The following KCNIP4 variants were observed in gnomAD, a reference collection of about 807,000 sequenced individuals.
KCNIP4 encodes the protein Kv channel-interacting protein 4.
A neutral mutation model predicts 34.0 loss-of-function variants in KCNIP4; 12 were observed. That is an observed-to-expected ratio of 0.35 (90% CI 0.23 to 0.57). KCNIP4 has a LOEUF of 0.57. KCNIP4 is among the 20% of genes least tolerant of loss of function. KCNIP4 has a pLI of 0.83. For missense variants in KCNIP4, 238 were observed against 311.7 expected, an observed-to-expected ratio of 0.76 and a Z score of 1.78; for synonymous variants, 124 against 102.2, an observed-to-expected ratio of 1.21 and a Z score of -1.29.
At chr4:21,792,979 A>T (rs1331137036) in intron 1 of KCNIP4, among the ~76,000 whole-genome samples, 1 of 152,218 alleles carries the variant, frequency 6.6e-6, no homozygotes, top group Non-Finnish European at 1.5e-5. Flanking sequence ...GCTCAGAGTC[A>T]ACAGATGAGA....
At chr4:21,028,296 G>GT (rs779071665) in intron 1 of KCNIP4, among the ~76,000 whole-genome samples, 1 of 152,128 alleles carries the variant, frequency 6.6e-6, no homozygotes, top group Non-Finnish European at 1.5e-5. Context: ...TTTCAAAGAA[G>GT]TAGAGTGAAC....
chr4:21,854,453 T>C (rs990851359), intron 1 of KCNIP4, among the ~76,000 whole-genome samples: 1 of 152,196 alleles, frequency 6.6e-6, no homozygotes, highest in African/African-American at 2.4e-5. Context: ...TTTAACTTAA[T>C]CATCCCCAAA....
rs2132274 is a variant in KCNIP4, at chr4:21,387,041, G to T, written c.62-504332C>A. 4.7e-4 allele frequency among the ~76,000 whole-genome samples: 72 copies of T among 152,050 alleles called. No individual in the cohort carries two copies. In the South Asian group the frequency reaches 0.012, roughly 25 times the overall value. On this transcript the variant is annotated intron_variant, in intron 1 of 8. Coordinates refer to ENST00000382152, the MANE Select transcript of KCNIP4 (RefSeq NM_025221.6). ...GAGGTGAAGATAGAAACTGCATTTT[G>T]GAGGCAATGGCCTGAAGGTAGGTTA...
chr4:20,917,318 C>T (rs1018222031), intron 1 of KCNIP4, among the ~76,000 whole-genome samples: 2 of 151,632 alleles, frequency 1.3e-5, no homozygotes, highest in African/African-American at 2.4e-5. Context: ...ATGAACCACC[C>T]GCCCCGGCCA....
rs944755222 is a variant in KCNIP4 at position 21,494,112 on chromosome 4, T to A, written c.61+454459A>T. The stretch of plus-strand genomic sequence containing the variant: ...TGGCAACTCAGCAAATTGGTCCAGG[T>A]CATCAAACACCTTGTCAGTCAGCAC... On this transcript the variant is annotated intron_variant, in intron 1 of 8. Coordinates refer to ENST00000382152, the MANE Select transcript of KCNIP4 (RefSeq NM_025221.6). Among the ~76,000 whole-genome samples the A allele has an allele frequency of 2.0e-5, 3 of 152,144 alleles. No individual in the cohort carries two copies. In the East Asian group the frequency reaches 5.8e-4, roughly 29 times the overall value.
At chr4:20,911,950 T>A (rs1002453941) in intron 1 of KCNIP4, among the ~76,000 whole-genome samples, 4 of 152,182 alleles carry the variant, frequency 2.6e-5, no homozygotes, top group Non-Finnish European at 4.4e-5. Context: ...AATAATCTGA[T>A]CACTTTTTAA....
At chr4:21,910,883 A>T (rs1207799053) in intron 1 of KCNIP4, among the ~76,000 whole-genome samples, 1 of 152,174 alleles carries the variant, frequency 6.6e-6, no homozygotes, top group Admixed American at 6.5e-5. Flanking sequence ...TAAGGGGCCG[A>T]GGCCATTCAT....
intron 8 of KCNIP4, among the ~76,000 whole-genome samples, chr4:20,730,735 A>C (rs774506480): frequency 6.6e-6 from 1 of 152,204 alleles, no homozygotes; most frequent in South Asian, 2.1e-4. Flanking sequence ...ACCACTGCTC[A>C]GTGGCTGTGT....
chr4:21,363,404 A>ATCC lies in KCNIP4; in HGVS notation c.62-480698_62-480696dup, dbSNP rs1443547843. 5.9e-5 allele frequency among the ~76,000 whole-genome samples: 9 copies of ATCC among 152,292 alleles called. No homozygotes were observed. The East Asian group carries it at 1.7e-3, about 29-fold the overall frequency. ...CCTTTACCTAGCCTCACAGGGGTTT[A>ATCC]TCCTTGTAGCATAGACATATCTTCA... On this transcript the variant is annotated intron_variant, in intron 1 of 8. Coordinates refer to ENST00000382152, the MANE Select transcript of KCNIP4 (RefSeq NM_025221.6).
chr4:21,470,113 C>T (rs1183900778), intron 1 of KCNIP4, among the ~76,000 whole-genome samples: 1 of 152,186 alleles, frequency 6.6e-6, no homozygotes, highest in African/African-American at 2.4e-5. Flanking sequence ...TTCCTGAACT[C>T]ACCCACTTTA....
intron 1 of KCNIP4, among the ~76,000 whole-genome samples, chr4:21,861,405 A>T (rs1560769548): frequency 6.6e-6 from 1 of 152,138 alleles, no homozygotes; most frequent in Non-Finnish European, 1.5e-5. Flanking sequence ...AATATTCCCA[A>T]CTTTGGGAGG....
chr4:21,575,918 A>G lies in KCNIP4; in HGVS notation c.61+372653T>C, dbSNP rs577067928. ...CCCTTAGAATGGTCTTGAAAATCCC[A>G]TATTAAAGATGATAGAGTCATCAGA... On this transcript the variant is annotated intron_variant, in intron 1 of 8. Transcript: ENST00000382152. Among the ~76,000 whole-genome samples, 25 of 152,304 alleles carry G rather than the reference A, an allele frequency of 1.6e-4. No homozygotes were observed. The East Asian group carries it at 4.8e-3, about 29-fold the overall frequency.
At chr4:21,760,372 G>A (rs906286686) in intron 1 of KCNIP4, among the ~76,000 whole-genome samples, 3 of 152,020 alleles carry the variant, frequency 2.0e-5, no homozygotes, top group African/African-American at 4.8e-5. Context: ...CCAATCCCAC[G>A]CCTACAAATT....
intron 1 of KCNIP4, among the ~76,000 whole-genome samples, chr4:21,247,341 G>T (rs1288123633): frequency 6.6e-6 from 1 of 151,904 alleles, no homozygotes; most frequent in Non-Finnish European, 1.5e-5. Context: ...TGGGCAAGGT[G>T]TTGTGATTTT....
chr4:21,321,828 AGAAGGGAAG>A (rs1414145049), intron 1 of KCNIP4, among the ~76,000 whole-genome samples: 4 of 140,484 alleles, frequency 2.8e-5, no homozygotes, highest in African/African-American at 1.1e-4. Flanking sequence ...GAGAAAAAGA[AGAAGGGAAG>A]GAAGGAAAGG....
chr4:21,861,605 C>T (rs113024712), intron 1 of KCNIP4, among the ~76,000 whole-genome samples: 54 of 141,808 alleles, frequency 3.8e-4, no homozygotes, highest in Non-Finnish European at 6.7e-4. Flanking sequence ...TACAGTGAAC[C>T]GAGATCATGC....
intron 1 of KCNIP4, among the ~76,000 whole-genome samples, chr4:21,342,294 G>T (rs2109349915): frequency 6.6e-6 from 1 of 152,134 alleles, no homozygotes. Context: ...AGAGACAAAA[G>T]AATAGATTCA....
At chr4:21,223,323 C>T (rs1404773573) in intron 1 of KCNIP4, among the ~76,000 whole-genome samples, 1 of 152,174 alleles carries the variant, frequency 6.6e-6, no homozygotes, top group Non-Finnish European at 1.5e-5. Flanking sequence ...AAGATAAGGA[C>T]AAAGATTCTA....
At chr4:21,147,734 T>C (rs763488087) in intron 1 of KCNIP4, among the ~76,000 whole-genome samples, 16 of 151,354 alleles carry the variant, frequency 1.1e-4, no homozygotes, top group Non-Finnish European at 2.9e-5. Flanking sequence ...AGGTTAGGAG[T>C]TCGAGACCAG....
Sources: allele counts gnomAD v4.1 joint callset (sites outside exome capture counted in the v4.1 genomes callset), GRCh38; gene constraint gnomAD v4.1.1; transcripts MANE v1.5; gene names NCBI Gene and HGNC (gene_info 2026-07-23, HGNC 2026-07-21).